The following FER1L6 variants were observed in gnomAD, a reference collection of about 807,000 sequenced individuals.
FER1L6 encodes fer-1 like family member 6.
FER1L6 carries 177 observed loss-of-function variants against 219.2 expected under a neutral mutation model. The observed-to-expected ratio is 0.81, with a 90% CI of 0.71 to 0.91. The LOEUF (loss-of-function observed/expected upper bound fraction) is 0.91, where lower values mean the gene tolerates loss of function less well. FER1L6 is among the 40% of genes least tolerant of loss of function. The probability of loss-of-function intolerance (pLI) is 0.00; values close to 1 mark genes in which losing one functional copy is unlikely to be tolerated. For synonymous variants in FER1L6, 768 were observed against 824.3 expected (o/e 0.93, Z 1.17); for missense variants, 2,153 against 2,259.9 (o/e 0.95, Z 0.96).
chr8:124,032,088 G>T (rs115580064), intron 18 of FER1L6, among the ~76,000 whole-genome samples: 2,841 of 152,300 alleles, frequency 0.019, 94 homozygotes, highest in African/African-American at 0.065. Flanking sequence ...AGTAGCAGTA[G>T]AAATGAATGA....
chr8:124,010,452 C>A (rs1336822964), intron 13 of FER1L6, 142 bp from the exon 14 acceptor site: 1 of 898,906 alleles, frequency 1.1e-6, no homozygotes, highest in Middle Eastern at 2.3e-4. Flanking sequence ...AATTATAGAT[C>A]AAAGATGGTG....
At chr8:124,073,791 G>A (rs980293494) in intron 31 of FER1L6, among the ~76,000 whole-genome samples, 1 of 152,126 alleles carries the variant, frequency 6.6e-6, no homozygotes, top group Non-Finnish European at 1.5e-5. Flanking sequence ...AGAGTGATGT[G>A]GGAATTAAGA....
chr8:124,015,602 T>TAC (rs1818161385), intron 15 of FER1L6, among the ~76,000 whole-genome samples: 1 of 105,512 alleles, frequency 9.5e-6, no homozygotes, highest in Non-Finnish European at 1.8e-5. Context: ...TATATATATA[T>TAC]ATATATATAT....
At chr8:124,100,629 G>T (rs886910383) in intron 37 of FER1L6, among the ~76,000 whole-genome samples, 1 of 152,088 alleles carries the variant, frequency 6.6e-6, no homozygotes, top group Admixed American at 6.5e-5. Context: ...GATGGCATAG[G>T]TCTGACAACC....
chr8:124,105,821 T>C (rs896222135), intron 39 of FER1L6, among the ~76,000 whole-genome samples: 4 of 152,160 alleles, frequency 2.6e-5, no homozygotes, highest in African/African-American at 7.2e-5. Context: ...TATTCAGTCA[T>C]GAAAAGGAAT....
intron 1 of FER1L6, among the ~76,000 whole-genome samples, chr8:123,872,873 T>C (rs1460424579): frequency 6.6e-6 from 1 of 152,236 alleles, no homozygotes. Context: ...ATATAACTTC[T>C]GTCCTCCAAC....
chr8:123,864,429 A>G (rs1028405053), intron 1 of FER1L6, among the ~76,000 whole-genome samples: 13 of 149,986 alleles, frequency 8.7e-5, no homozygotes, highest in African/African-American at 3.0e-4. Flanking sequence ...CTTCATTTCA[A>G]CTTTGGTGAA....
intron 7 of FER1L6, among the ~76,000 whole-genome samples, chr8:123,974,496 C>T (rs942001776): frequency 6.6e-6 from 1 of 151,076 alleles, no homozygotes; most frequent in Non-Finnish European, 1.5e-5. Context: ...ATTAGCTGGG[C>T]GTGATGGTGC....
intron 7 of FER1L6, 42 bp from the exon 8 acceptor site, chr8:123,975,108 G>A (rs1382096549): frequency 6.0e-6 from 9 of 1,506,646 alleles, no homozygotes; most frequent in Non-Finnish European, 7.1e-6. Context: ...GGGCTGCTGG[G>A]CCCATCTGTG....
At chr8:123,932,009 G>A (rs1813787432) in intron 1 of FER1L6, among the ~76,000 whole-genome samples, 1 of 152,200 alleles carries the variant, frequency 6.6e-6, no homozygotes, top group Non-Finnish European at 1.5e-5. Context: ...TGAATAAGGA[G>A]AGAATAGGCC....
intron 39 of FER1L6, among the ~76,000 whole-genome samples, chr8:124,110,194 T>A (rs910406266): frequency 2.0e-5 from 3 of 152,242 alleles, no homozygotes; most frequent in African/African-American, 7.2e-5. Flanking sequence ...TGTTCTTATC[T>A]TGGTGATCTT....
At chr8:124,068,821 G>T (rs1015121574) in intron 28 of FER1L6, among the ~76,000 whole-genome samples, 1 of 152,136 alleles carries the variant, frequency 6.6e-6, no homozygotes, top group Admixed American at 6.5e-5. Context: ...ACTGACGCTG[G>T]ATTTATATGT....
intron 31 of FER1L6, among the ~76,000 whole-genome samples, chr8:124,071,923 C>T (rs1249188256): frequency 1.3e-5 from 2 of 152,078 alleles, no homozygotes; most frequent in African/African-American, 2.4e-5. Context: ...AAGACACTAG[C>T]CCTGTCATAT....
intron 1 of FER1L6, among the ~76,000 whole-genome samples, chr8:123,905,576 G>C (rs1812937212): frequency 6.6e-6 from 1 of 152,158 alleles, no homozygotes; most frequent in African/African-American, 2.4e-5. Context: ...AAGGAATGCT[G>C]CTAGTGTGGT....
At chr8:123,856,256 ATGTATATATGTGTATATG>A in intron 1 of FER1L6, among the ~76,000 whole-genome samples, 1 of 131,244 alleles carries the variant, frequency 7.6e-6, no homozygotes, top group East Asian at 2.1e-4. Flanking sequence ...TATGAGATAT[ATGTATATATGTGTATATG>A]TGTATATATG....
At chr8:123,983,294 AC>A (rs1449673700) in intron 11 of FER1L6, among the ~76,000 whole-genome samples, 1 of 151,222 alleles carries the variant, frequency 6.6e-6, no homozygotes, top group East Asian at 1.9e-4. Context: ...TTGTCAACTC[AC>A]CCCCATTACC....
At chr8:123,891,094 G>A (rs944196305) in intron 1 of FER1L6, among the ~76,000 whole-genome samples, 1 of 152,102 alleles carries the variant, frequency 6.6e-6, no homozygotes, top group Non-Finnish European at 1.5e-5. Flanking sequence ...CTTGGATTAA[G>A]TAACAATAAA....
chr8:123,894,101 C>A (rs893388340), intron 1 of FER1L6, among the ~76,000 whole-genome samples: 1 of 152,122 alleles, frequency 6.6e-6, no homozygotes, highest in African/African-American at 2.4e-5. Flanking sequence ...AACATAGAAA[C>A]TGACCCTCTG....
chr8:123,928,930 T>A (rs1320989071), intron 1 of FER1L6, among the ~76,000 whole-genome samples: 6 of 152,176 alleles, frequency 3.9e-5, no homozygotes, highest in African/African-American at 1.2e-4. Flanking sequence ...GGCAAGGTGT[T>A]TTTAAGGGAA....
Sources: allele counts gnomAD v4.1 joint callset (sites outside exome capture counted in the v4.1 genomes callset), GRCh38; gene constraint gnomAD v4.1.1; transcripts MANE v1.5; gene names NCBI Gene and HGNC (gene_info 2026-07-23, HGNC 2026-07-21).